SDCCAG8: variants seen among roughly 807,000 people sequenced by gnomAD.
SDCCAG8 encodes the protein SHH signaling and ciliogenesis regulator SDCCAG8, also known as serologically defined colon cancer antigen 8.
A neutral mutation model predicts 101.8 loss-of-function variants in SDCCAG8; 74 were observed. The ratio of observed to expected loss-of-function variants is 0.73; its 90% CI spans 0.60 to 0.88. SDCCAG8 has a LOEUF of 0.88. Ranked by LOEUF, SDCCAG8 falls within the 40% of genes least tolerant of loss-of-function variation. The probability of loss-of-function intolerance (pLI) is 0.00; values close to 1 mark genes in which losing one functional copy is unlikely to be tolerated. For synonymous variants in SDCCAG8, 281 were observed against 292.9 expected, an observed-to-expected ratio of 0.96 and a Z score of 0.41; for missense variants, 787 against 822.6, an observed-to-expected ratio of 0.96 and a Z score of 0.53.
chr1:243,360,256 C>T (rs1430693473), intron 12 of SDCCAG8, among the ~76,000 whole-genome samples: 1 of 150,844 alleles, frequency 6.6e-6, no homozygotes, highest in Non-Finnish European at 1.5e-5. Flanking sequence ...CGCCATTCTC[C>T]TGCCTCAGCC....
intron 16 of SDCCAG8, among the ~76,000 whole-genome samples, chr1:243,483,207 A>AGGC (rs1664101229): frequency 6.6e-6 from 1 of 151,856 alleles, no homozygotes; most frequent in Admixed American, 6.5e-5. Context: ...CCCGGGGAGG[A>AGGC]GGCGGCGGGC....
chr1:243,480,490 G>A (rs1331051666), intron 16 of SDCCAG8, among the ~76,000 whole-genome samples: 14 of 83,556 alleles, frequency 1.7e-4, no homozygotes, highest in Admixed American at 2.7e-4. Flanking sequence ...GGATGGATGG[G>A]TGGGATGGAT....
In SDCCAG8 at chr1:243,341,160, T is replaced by G. The variant is rs1015302300; in HGVS notation, c.1343T>G (p.Met448Arg). ...EIQSQLASREMDVTKVCGEMR... is the reference protein window; with the variant it reads ...EIQSQLASRERDVTKVCGEMR... Reference sequence around the variant, plus strand: ...CAAAGCCAGCTGGCTTCTCGGGAAATGGATGTCACAAAGGTACAGAAAGAG... The same window carrying G: ...CAAAGCCAGCTGGCTTCTCGGGAAAGGGATGTCACAAAGGTACAGAAAGAG... The change falls in exon 11 of 18, where the codon ATG becomes AGG. Residue 448 changes from methionine (M) to arginine (R), a missense_variant. Physicochemically the swap from Met to Arg is moderately conservative, Grantham distance 91. Coordinates refer to ENST00000366541, the MANE Select transcript of SDCCAG8 (RefSeq NM_006642.5). The G allele has an allele frequency of 4.3e-6, 7 of 1,614,028 alleles. No homozygotes were observed. Among genetic ancestry groups the G allele is most frequent in the Admixed American group, 1.7e-5 (1 of 60,020 alleles).
intron 12 of SDCCAG8, among the ~76,000 whole-genome samples, chr1:243,366,935 A>G (rs1210489347): frequency 6.6e-6 from 1 of 152,146 alleles, no homozygotes; most frequent in Admixed American, 6.6e-5. Context: ...GGCACATAGT[A>G]TGTGCTCAAA....
At chr1:243,464,837 C>T (rs928102650) in intron 16 of SDCCAG8, among the ~76,000 whole-genome samples, 1 of 152,206 alleles carries the variant, frequency 6.6e-6, no homozygotes, top group African/African-American at 2.4e-5. Flanking sequence ...CTGGTCACCC[C>T]ATCGTGAGGA....
chr1:243,480,271 T>A lies in SDCCAG8; in HGVS notation c.1986-8743T>A, dbSNP rs142152679. 1.2e-3 allele frequency among the ~76,000 whole-genome samples: 166 copies of A among 143,398 alleles called. 2 individuals are homozygous for A. Among genetic ancestry groups the A allele is most frequent in the African/African-American group, 3.9e-3 (148 of 37,860 alleles). 94.1% of individuals were successfully genotyped at this position (143,398 alleles called of 152,430 possible). On this transcript the variant is annotated intron_variant, in intron 16 of 17. Coordinates refer to ENST00000366541, the MANE Select transcript of SDCCAG8 (RefSeq NM_006642.5). ...AGTGCTGGCAGCTGGACTTCAAGAG[T>A]GAAGGTCATGGAATGGATGGGTGGA...
chr1:243,335,304 G>A lies in SDCCAG8; in HGVS notation c.1221+4612G>A, dbSNP rs530284550. 2.0e-5 allele frequency among the ~76,000 whole-genome samples: 3 copies of A among 152,276 alleles called. No individual in the cohort carries two copies. The South Asian group carries it at 6.2e-4, about 32-fold the overall frequency. On this transcript the variant is annotated intron_variant, in intron 10 of 17. Transcript: ENST00000366541. ...AAGGAACGCCACCTGTAACCAATATGAATAAGACATGGAAGGGAGATGAAG... is the reference window on the plus strand; with the variant it reads ...AAGGAACGCCACCTGTAACCAATATAAATAAGACATGGAAGGGAGATGAAG...
intron 9 of SDCCAG8, among the ~76,000 whole-genome samples, chr1:243,323,215 A>G (rs766155109): frequency 1.4e-4 from 21 of 151,922 alleles, no homozygotes; most frequent in Non-Finnish European, 2.2e-4. Flanking sequence ...CTGTTGAACA[A>G]TTCTTTTCTC....
chr1:243,316,926 T>G (rs777374457), intron 9 of SDCCAG8, 33 bp downstream of exon 9: 3 of 1,605,524 alleles, frequency 1.9e-6, no homozygotes, highest in African/African-American at 1.3e-5. Flanking sequence ...AAAAGTGTCT[T>G]TCTTTTTTTT....
chr1:243,391,530 G>A (rs1416254593), intron 13 of SDCCAG8, among the ~76,000 whole-genome samples: 2 of 152,142 alleles, frequency 1.3e-5, no homozygotes, highest in African/African-American at 2.4e-5. Flanking sequence ...CAGCAGGCAG[G>A]GTCACCTGTG....
At position 243,458,142 on chromosome 1, in the gene SDCCAG8, G is replaced by C. The variant is rs901274681; in HGVS notation, c.1986-30872G>C. On this transcript the variant is annotated intron_variant, in intron 16 of 17. Transcript: ENST00000366541. This position sits in a 1 kb window ranked among gnomAD's most constrained non-coding sequence, Gnocchi z 4.5. ...AGTTACTAATTTTAGAAGTGTTCTC[G>C]TGAAGACATCTGACTACTCAGCACA... Among the ~76,000 whole-genome samples the C allele has an allele frequency of 1.3e-5, 2 of 152,254 alleles. No individual in the cohort carries two copies. The highest frequency in any genetic ancestry group is 6.5e-5 in the Admixed American group (1 of 15,298).
At chr1:243,331,083 A>G (rs2074556419) in intron 10 of SDCCAG8, among the ~76,000 whole-genome samples, 1 of 152,230 alleles carries the variant, frequency 6.6e-6, no homozygotes, top group Non-Finnish European at 1.5e-5. Context: ...CCTAAATTAA[A>G]TATGCAGAAG....
At chr1:243,266,305 A>AT (rs551936624) in intron 1 of SDCCAG8, among the ~76,000 whole-genome samples, 4 of 150,278 alleles carry the variant, frequency 2.7e-5, no homozygotes, top group Non-Finnish European at 4.4e-5. Context: ...CCATCACTGA[A>AT]TTTTTTTTTC....
chr1:243,463,822 G>A (rs534455366), intron 16 of SDCCAG8, among the ~76,000 whole-genome samples: 1 of 152,190 alleles, frequency 6.6e-6, no homozygotes, highest in South Asian at 2.1e-4. Context: ...GATAGGGAGG[G>A]TAATGAGACC....
chr1:243,290,270 A>G (rs10754799), intron 5 of SDCCAG8, among the ~76,000 whole-genome samples: 143,851 of 151,516 alleles, frequency 0.95, 68,751 homozygotes, highest in East Asian at 1. Context: ...AGGATTTAAC[A>G]TACTTAGGTT....
At chr1:243,486,593 C>T (rs573730253) in intron 16 of SDCCAG8, among the ~76,000 whole-genome samples, 3 of 152,364 alleles carry the variant, frequency 2.0e-5, no homozygotes, top group South Asian at 2.1e-4. Flanking sequence ...CCGGCCCCAT[C>T]GCTGAAGGTG....
At chr1:243,346,168 T>C (rs914969504) in intron 12 of SDCCAG8, 3 of 154,368 alleles carry the variant, frequency 1.9e-5, no homozygotes, top group African/African-American at 7.2e-5. Flanking sequence ...CATGGATGAT[T>C]TGGAGTAGCA....
chr1:243,411,747 T>G (rs1028062221), intron 13 of SDCCAG8, among the ~76,000 whole-genome samples: 21 of 152,232 alleles, frequency 1.4e-4, no homozygotes, highest in Admixed American at 1.3e-4. Flanking sequence ...TTCAGCCAAG[T>G]GCTGTATGTG....
intron 12 of SDCCAG8, among the ~76,000 whole-genome samples, chr1:243,362,425 A>G (rs1383584709): frequency 6.6e-6 from 1 of 152,252 alleles, no homozygotes; most frequent in Non-Finnish European, 1.5e-5. Flanking sequence ...GACTGCCTCA[A>G]GTAAATTTCT....
Sources: allele counts gnomAD v4.1 joint callset (sites outside exome capture counted in the v4.1 genomes callset), GRCh38; gene constraint gnomAD v4.1.1; non-coding constraint Gnocchi (gnomAD v3.1); transcripts MANE v1.5; gene names NCBI Gene and HGNC (gene_info 2026-07-23, HGNC 2026-07-21).